Variants in GPR37 observed in about 807,000 individuals in gnomAD.
The protein encoded by GPR37 is prosaposin receptor GPR37.
A neutral mutation model predicts 43.6 loss-of-function variants in GPR37; 20 were observed. The ratio of observed to expected loss-of-function variants is 0.46; its 90% CI spans 0.32 to 0.67. The LOEUF (loss-of-function observed/expected upper bound fraction) is 0.67, where lower values mean the gene tolerates loss of function less well. Ranked by LOEUF, GPR37 falls within the 30% of genes least tolerant of loss-of-function variation. GPR37 has a pLI of 0.03. For synonymous variants in GPR37, 315 were observed against 322.6 expected, an observed-to-expected ratio of 0.98 and a Z score of 0.25; for missense variants, 724 against 797.2, an observed-to-expected ratio of 0.91 and a Z score of 1.11.
Position 124,745,677 on chromosome 7 carries a change from AATTCTTG to A in GPR37, c.*841_*847del, listed in dbSNP as rs1380232311. 6.6e-6 allele frequency among the ~76,000 whole-genome samples: 1 copy of A among 152,152 alleles called. No individual in the cohort carries two copies. The highest frequency in any genetic ancestry group is 1.5e-5 in the Non-Finnish European group (1 of 68,030). ...AAATCAGATGACAACTGCATTTTAA[AATTCTTG>A]ATTCTGCCCATAATTCCCCAAGGGA... On this transcript the variant is annotated 3_prime_UTR_variant, in exon 2 of 2. Coordinates refer to ENST00000303921, the MANE Select transcript of GPR37 (RefSeq NM_005302.5).
intron 1 of GPR37, among the ~76,000 whole-genome samples, chr7:124,754,081 A>C (rs1793764754): frequency 1.3e-5 from 2 of 152,132 alleles, no homozygotes; most frequent in African/African-American, 2.4e-5. Flanking sequence ...AAATAATACA[A>C]ACAGAAAGAA....
chr7:124,750,638 G>A (rs996563456), intron 1 of GPR37, among the ~76,000 whole-genome samples: 2 of 152,056 alleles, frequency 1.3e-5, no homozygotes, highest in East Asian at 1.9e-4. Context: ...GCTAGTAACT[G>A]CATACCTAAC....
At chr7:124,754,074 T>A (rs1013829456) in intron 1 of GPR37, among the ~76,000 whole-genome samples, 5 of 152,002 alleles carry the variant, frequency 3.3e-5, no homozygotes, top group East Asian at 3.9e-4. Flanking sequence ...TTAAAAAAAA[T>A]AATACAAACA....
intron 1 of GPR37, among the ~76,000 whole-genome samples, chr7:124,759,447 T>C (rs1271067185): frequency 1.3e-5 from 2 of 152,164 alleles, no homozygotes; most frequent in Non-Finnish European, 2.9e-5. Context: ...CATTCTCCTA[T>C]TGCAATCCAC....
rs1793651799 is a variant in GPR37 at position 124,744,796 on chromosome 7, T to C, written c.*1729A>G. 6.6e-6 allele frequency: 1 copy of C among 152,194 alleles called. No individual in the cohort carries two copies. Among genetic ancestry groups the C allele is most frequent in the South Asian group, 2.1e-4 (1 of 4,838 alleles). 9.4% of individuals were successfully genotyped at this position (152,194 alleles called of 1,614,324 possible). A position where few individuals can be genotyped will look rare whatever the true frequency, so the allele number is the denominator to read the frequency against. ...ACCTTTAGTTACTCAGGTAATAGGATAGAATCTTTTCCACATGACATGCTC... is the reference window on the plus strand; with the variant it reads ...ACCTTTAGTTACTCAGGTAATAGGACAGAATCTTTTCCACATGACATGCTC... On this transcript the variant is annotated 3_prime_UTR_variant, in exon 2 of 2. Coordinates refer to ENST00000303921, the MANE Select transcript of GPR37 (RefSeq NM_005302.5).
At chr7:124,750,073 T>C (rs1396177511) in intron 1 of GPR37, among the ~76,000 whole-genome samples, 3 of 152,260 alleles carry the variant, frequency 2.0e-5, no homozygotes, top group East Asian at 3.9e-4. Context: ...TGTTTTAAAA[T>C]GCCAGTAATT....
At chr7:124,748,005 C>T (rs576979930) in intron 1 of GPR37, among the ~76,000 whole-genome samples, 10 of 152,328 alleles carry the variant, frequency 6.6e-5, no homozygotes, top group African/African-American at 2.4e-4. Context: ...CTTCATGCTG[C>T]GTGTTTGCCC....
rs180981743 is a variant in GPR37 at position 124,762,290 on chromosome 7, C to A, written c.1023+1664G>T. ...TTCTTTTAAGGTGTTCTTTCAAGAA[C>A]TTTGGTGTTTTTATTTTTCTTTCCC... On this transcript the variant is annotated intron_variant, in intron 1 of 1. Coordinates refer to ENST00000303921, the MANE Select transcript of GPR37 (RefSeq NM_005302.5). 5.3e-5 allele frequency among the ~76,000 whole-genome samples: 8 copies of A among 152,008 alleles called. No homozygotes were observed. The East Asian group carries it at 1.2e-3, about 22-fold the overall frequency.
At position 124,746,737 on chromosome 7, in the gene GPR37, C is replaced by T; in HGVS notation, c.1630G>A (p.Val544Ile). Residue 544 changes from valine to isoleucine, a missense_variant, in exon 2 of 2, where the codon GTC becomes ATC. Transcript: ENST00000303921. ...SQFLLFFKSC[V>I]TPVLLFCLCK... ...AGACAGAAAAGGAGGACTGGGGTGA[C>T]ACAGGACTTAAAGAACAAAAGGAAC... 6.2e-7 allele frequency: 1 copy of T among 1,613,914 alleles called. No individual in the cohort carries two copies. The highest frequency in any genetic ancestry group is 8.5e-7 in the Non-Finnish European group (1 of 1,179,898).
At chr7:124,756,812 T>C (rs971221673) in intron 1 of GPR37, among the ~76,000 whole-genome samples, 26 of 152,204 alleles carry the variant, frequency 1.7e-4, no homozygotes, top group African/African-American at 5.8e-4. Context: ...TCCAATGGGA[T>C]ACTGTTAAAA....
chr7:124,750,830 C>T (rs185184648), intron 1 of GPR37, among the ~76,000 whole-genome samples: 1 of 152,184 alleles, frequency 6.6e-6, no homozygotes, highest in African/African-American at 2.4e-5. Flanking sequence ...AGGTTCTTTA[C>T]CTTCAATCTC....
intron 1 of GPR37, among the ~76,000 whole-genome samples, chr7:124,751,832 G>A (rs1793738474): frequency 6.6e-6 from 1 of 152,240 alleles, no homozygotes; most frequent in East Asian, 1.9e-4. Context: ...TGAGTAAGAT[G>A]CAATCTCTTA....
In GPR37 at chr7:124,746,518, C is replaced by T; in HGVS notation, c.*7G>A. 2 of 1,572,722 alleles carry T rather than the reference C, an allele frequency of 1.3e-6. No individual in the cohort carries two copies. Among genetic ancestry groups the T allele is most frequent in the South Asian group, 1.2e-5 (1 of 84,468 alleles). Reference sequence around the variant, plus strand: ...CAAATAAATCTGACCCAACCAAGTACTGTCCTTCAGCAATGAGTTCCGACA... The same window carrying T: ...CAAATAAATCTGACCCAACCAAGTATTGTCCTTCAGCAATGAGTTCCGACA... On this transcript the variant is annotated 3_prime_UTR_variant, in exon 2 of 2. Transcript: ENST00000303921.
chr7:124,764,712 G>T lies in GPR37; in HGVS notation c.265C>A (p.Pro89Thr). 1 of 1,600,602 alleles carries T rather than the reference G, an allele frequency of 6.2e-7. No homozygotes were observed. ...GCCGGGTCACGGCCCGGGGCCGCCGGCAGGTCCCAGGAGGGTCCCGCAAGA... is the reference window on the plus strand; with the variant it reads ...GCCGGGTCACGGCCCGGGGCCGCCGTCAGGTCCCAGGAGGGTCCCGCAAGA... Reference protein sequence around the residue: ...AFLAGPSWDLPAAPGRDPAAG... With the variant: ...AFLAGPSWDLTAAPGRDPAAG... The change falls in exon 1 of 2, where the codon CCG becomes ACG. Residue 89 changes from proline to threonine, a missense_variant. By Grantham distance (38) the Pro-to-Thr change is conservative. Around this residue, in one of 2 missense-constraint regions of GPR37, gnomAD observed 382 missense variants for 355.4 expected, o/e 1.07. Transcript: ENST00000303921. This position sits in a 1 kb window ranked among gnomAD's most constrained non-coding sequence, Gnocchi z 5.4.
chr7:124,744,644 C>G lies in GPR37; in HGVS notation c.*1881G>C, dbSNP rs1793650020. On this transcript the variant is annotated 3_prime_UTR_variant, in exon 2 of 2. Coordinates refer to ENST00000303921, the MANE Select transcript of GPR37 (RefSeq NM_005302.5). Reference sequence around the variant, plus strand: ...CCCTCTATTCCAAAGTATCGCAGAACTTCACATCTTCCTGAGGCACCTAAC... The same window carrying G: ...CCCTCTATTCCAAAGTATCGCAGAAGTTCACATCTTCCTGAGGCACCTAAC... 1 of 152,180 alleles carries G rather than the reference C, an allele frequency of 6.6e-6. No homozygotes were observed. Among genetic ancestry groups the G allele is most frequent in the South Asian group, 2.1e-4 (1 of 4,832 alleles). 9.4% of individuals were successfully genotyped at this position (152,180 alleles called of 1,614,324 possible).
In GPR37 at chr7:124,764,755, C is replaced by T; in HGVS notation, c.222G>A (p.Glu74=). 5 of 1,612,218 alleles carry T rather than the reference C, an allele frequency of 3.1e-6. No individual in the cohort carries two copies. Among genetic ancestry groups the T allele is most frequent in the Non-Finnish European group, 4.2e-6 (5 of 1,179,896 alleles). The change falls in exon 1 of 2, where the codon GAG becomes GAA. Residue 74 remains glutamate (E), a synonymous_variant. Coordinates refer to ENST00000303921, the MANE Select transcript of GPR37 (RefSeq NM_005302.5). The surrounding 1 kb of genome is among the most constrained non-coding windows in gnomAD (Gnocchi z 5.4). ...RDVLRARAPR[E]EQGAAFLAGP... ...CCGCAAGAAACGCTGCCCCCTGCTC[C>T]TCCCTGGGTGCTCGGGCTCGCAGAA...
Position 124,764,846 on chromosome 7 carries a change from C to G in GPR37, c.131G>C (p.Cys44Ser), listed in dbSNP as rs760581985. The change falls in exon 1 of 2, where the codon TGT (cysteine) becomes TCT (serine). Residue 44 changes from cysteine to serine, a missense_variant. By Grantham distance (112) the Cys-to-Ser change is moderately radical (BLOSUM62 -1). Transcript: ENST00000303921. The surrounding 1 kb of genome is among the most constrained non-coding windows in gnomAD (Gnocchi z 5.4). Reference protein sequence around the residue: ...SRNETCLGESCAPTVIQRRGR... With the variant: ...SRNETCLGESSAPTVIQRRGR... ...GCGGCGCTGGATCACTGTAGGTGCA[C>G]AGCTCTCCCCCAGACAAGTTTCGTT... The G allele has an allele frequency of 2.2e-5, 36 of 1,613,354 alleles. No homozygotes were observed. The highest frequency in any genetic ancestry group is 3.0e-5 in the Non-Finnish European group (35 of 1,179,938).
rs149698557 is a variant in GPR37 at position 124,751,335 on chromosome 7, T to C, written c.1024-3992A>G. Among the ~76,000 whole-genome samples, 253 of 152,242 alleles carry C rather than the reference T, an allele frequency of 1.7e-3. 1 individual carries two copies. Among genetic ancestry groups the C allele is most frequent in the African/African-American group, 5.8e-3 (239 of 41,564 alleles). ...CTGCAGTGATATTACTTCAGATCTT[T>C]TTTCTGTAAATTCACTTACGCACTA... On this transcript the variant is annotated intron_variant, in intron 1 of 1. Coordinates refer to ENST00000303921, the MANE Select transcript of GPR37 (RefSeq NM_005302.5).
At chr7:124,751,513 A>C (rs1793735902) in intron 1 of GPR37, among the ~76,000 whole-genome samples, 1 of 152,122 alleles carries the variant, frequency 6.6e-6, no homozygotes, top group Non-Finnish European at 1.5e-5. Flanking sequence ...TGGCGTTCTA[A>C]TTTCTTCTTA....
Sources: allele counts gnomAD v4.1 joint callset (sites outside exome capture counted in the v4.1 genomes callset), GRCh38; gene constraint gnomAD v4.1.1; regional missense constraint gnomAD v4.1.1; non-coding constraint Gnocchi (gnomAD v3.1); transcripts MANE v1.5; gene names NCBI Gene and HGNC (gene_info 2026-07-23, HGNC 2026-07-21).